RCAN2: variants seen among roughly 807,000 people sequenced by gnomAD.
RCAN2 encodes regulator of calcineurin 2.
A neutral mutation model predicts 23.6 loss-of-function variants in RCAN2; 9 were observed. That is an observed-to-expected ratio of 0.38 (90% CI 0.23 to 0.67). The LOEUF (loss-of-function observed/expected upper bound fraction) is 0.67. RCAN2 is among the 30% of genes least tolerant of loss of function. The probability of loss-of-function intolerance (pLI) is 0.51; values close to 1 mark genes in which losing one functional copy is unlikely to be tolerated. For synonymous variants in RCAN2, 109 were observed against 115.7 expected (o/e 0.94, Z 0.37); for missense variants, 273 against 302.3 (o/e 0.90, Z 0.72).
intron 1 of RCAN2, among the ~76,000 whole-genome samples, chr6:46,464,701 A>G (rs1228739916): frequency 6.6e-6 from 1 of 152,216 alleles, no homozygotes; most frequent in Non-Finnish European, 1.5e-5. Context: ...ACCTCATGCT[A>G]TTCTTGATAT....
In RCAN2 at chr6:46,222,006, T is replaced by G; in HGVS notation, c.*1135A>C. 2.5e-6 allele frequency: 1 copy of G among 398,570 alleles called. No individual in the cohort carries two copies. Among genetic ancestry groups the G allele is most frequent in the African/African-American group, 2.1e-5 (1 of 48,756 alleles). The allele number at this position is 398,570 out of a possible 1,614,324, so 24.7% of individuals were successfully genotyped here. On this transcript the variant is annotated 3_prime_UTR_variant, in exon 5 of 5. Coordinates refer to ENST00000371374, the MANE Select transcript of RCAN2 (RefSeq NM_001251974.2). ...CCATTTTAACATGCTCAGCTGCTGC[T>G]GCATTCTGGGGATTTAGCTTCATCC...
At chr6:46,349,402 GT>G (rs1561869831) in intron 2 of RCAN2, among the ~76,000 whole-genome samples, 1 of 152,078 alleles carries the variant, frequency 6.6e-6, no homozygotes, top group Non-Finnish European at 1.5e-5. Flanking sequence ...ACAATGGCCT[GT>G]TGCAGGAGTT....
rs201023662 is a variant in RCAN2, at chr6:46,452,295, ATACT to A, written c.225+4453_225+4456del. Among the ~76,000 whole-genome samples the A allele has an allele frequency of 5.8e-3, 884 of 152,286 alleles. 6 individuals are homozygous for A. The highest frequency in any genetic ancestry group is 0.028 in the South Asian group (134 of 4,824). On this transcript the variant is annotated intron_variant, in intron 2 of 4. Transcript: ENST00000371374. Reference sequence around the variant, plus strand: ...CCTCACCTGAAAAATAGGGATAATGATACTTACACCAATCTAGATGGACTAATTT... The same window carrying A: ...CCTCACCTGAAAAATAGGGATAATGATACACCAATCTAGATGGACTAATTT...
At chr6:46,471,202 G>A (rs1459709659) in intron 1 of RCAN2, among the ~76,000 whole-genome samples, 1 of 152,206 alleles carries the variant, frequency 6.6e-6, no homozygotes, top group Non-Finnish European at 1.5e-5. Context: ...CCCTGAGATG[G>A]GAAGCCACTG....
intron 2 of RCAN2, among the ~76,000 whole-genome samples, chr6:46,440,136 T>C (rs1767492588): frequency 6.6e-6 from 1 of 152,248 alleles, no homozygotes; most frequent in Non-Finnish European, 1.5e-5. Context: ...GACTGATTTA[T>C]GATGAGGACA....
At chr6:46,361,718 A>C (rs1169851305) in intron 2 of RCAN2, among the ~76,000 whole-genome samples, 1 of 152,112 alleles carries the variant, frequency 6.6e-6, no homozygotes, top group Non-Finnish European at 1.5e-5. Flanking sequence ...GATTAGTTTG[A>C]ATTTTCTTGA....
intron 2 of RCAN2, among the ~76,000 whole-genome samples, chr6:46,350,174 C>T (rs1413213513): frequency 2.0e-5 from 3 of 152,162 alleles, no homozygotes; most frequent in Non-Finnish European, 1.5e-5. Flanking sequence ...CCAGCAACTA[C>T]AAAAAATTAT....
intron 2 of RCAN2, among the ~76,000 whole-genome samples, chr6:46,302,967 C>T (rs1762952085): frequency 6.6e-6 from 1 of 151,936 alleles, no homozygotes. Context: ...CTCCCAAGAG[C>T]CTCAGTCAAC....
At chr6:46,227,699 G>A (rs1473490025) in intron 4 of RCAN2, among the ~76,000 whole-genome samples, 5 of 151,652 alleles carry the variant, frequency 3.3e-5, no homozygotes, top group African/African-American at 1.2e-4. Flanking sequence ...TCTTGCTAGT[G>A]GTCTATCAAT....
rs910614903 is a variant in RCAN2 at position 46,405,501 on chromosome 6, C to A, written c.225+51251G>T. On this transcript the variant is annotated intron_variant, in intron 2 of 4. Coordinates refer to ENST00000371374, the MANE Select transcript of RCAN2 (RefSeq NM_001251974.2). ...TTGAGCTAGATATAAAGGTTCTCCA[C>A]GTCCCCATCAGATTAGTTAGATACA... Among the ~76,000 whole-genome samples the A allele has an allele frequency of 4.6e-5, 7 of 152,266 alleles. No individual in the cohort carries two copies. The Middle Eastern group carries it at 0.014, about 296-fold the overall frequency.
intron 4 of RCAN2, among the ~76,000 whole-genome samples, chr6:46,236,685 C>T (rs921772943): frequency 3.3e-5 from 5 of 152,160 alleles, no homozygotes; most frequent in Admixed American, 6.5e-5. Flanking sequence ...TATGTACTCA[C>T]ACGTGAATAT....
At chr6:46,489,875 A>C (rs1023339627) in intron 1 of RCAN2, among the ~76,000 whole-genome samples, 4 of 152,242 alleles carry the variant, frequency 2.6e-5, no homozygotes, top group African/African-American at 9.6e-5. Context: ...GGCTGATCAT[A>C]CTTAATATAA....
intron 2 of RCAN2, among the ~76,000 whole-genome samples, chr6:46,383,242 G>C (rs1416901554): frequency 6.6e-6 from 1 of 151,166 alleles, no homozygotes; most frequent in Non-Finnish European, 1.5e-5. Context: ...ACCAGAGAAG[G>C]CTTAGTGGAG....
intron 2 of RCAN2, among the ~76,000 whole-genome samples, chr6:46,290,377 T>C (rs909530446): frequency 2.0e-5 from 3 of 152,204 alleles, no homozygotes; most frequent in African/African-American, 4.8e-5. Context: ...AGGGATGAGA[T>C]ATTAAATGAT....
intron 2 of RCAN2, among the ~76,000 whole-genome samples, chr6:46,316,444 A>T (rs975626102): frequency 1.3e-5 from 2 of 152,210 alleles, no homozygotes; most frequent in Admixed American, 6.5e-5. Flanking sequence ...AGTTCTCTCC[A>T]GGATGTCTCA....
intron 2 of RCAN2, among the ~76,000 whole-genome samples, chr6:46,393,188 T>C (rs573119230): frequency 6.6e-6 from 1 of 152,194 alleles, no homozygotes; most frequent in South Asian, 2.1e-4. Flanking sequence ...CTCCCTAATA[T>C]GTTTTAAATG....
At chr6:46,476,043 A>G (rs1427003721) in intron 1 of RCAN2, among the ~76,000 whole-genome samples, 1 of 152,196 alleles carries the variant, frequency 6.6e-6, no homozygotes, top group Non-Finnish European at 1.5e-5. Context: ...GGAATGCACT[A>G]GTGGGTGATG....
At chr6:46,334,539 G>A (rs1764082523) in intron 2 of RCAN2, among the ~76,000 whole-genome samples, 1 of 152,332 alleles carries the variant, frequency 6.6e-6, no homozygotes, top group Non-Finnish European at 1.5e-5. Context: ...AGATGACTCA[G>A]GTCACTGGAC....
chr6:46,373,967 T>C (rs1225056570), intron 2 of RCAN2, among the ~76,000 whole-genome samples: 3 of 152,218 alleles, frequency 2.0e-5, no homozygotes, highest in Non-Finnish European at 4.4e-5. Context: ...AGATTCTACT[T>C]CTACCATGTC....
Sources: allele counts gnomAD v4.1 joint callset (sites outside exome capture counted in the v4.1 genomes callset), GRCh38; gene constraint gnomAD v4.1.1; transcripts MANE v1.5; gene names NCBI Gene and HGNC (gene_info 2026-07-23, HGNC 2026-07-21).